SGPP1: variants seen among roughly 807,000 people sequenced by gnomAD.
SGPP1 encodes the protein hSPP1.
In SGPP1, 21 loss-of-function variants were observed where a neutral mutation model predicts 33.0. That is an observed-to-expected ratio of 0.64 (90% CI 0.45 to 0.92). The LOEUF (loss-of-function observed/expected upper bound fraction) is 0.92. Ranked by LOEUF, SGPP1 falls within the 40% of genes least tolerant of loss-of-function variation. The pLI is 0.00. For missense variants in SGPP1, 543 were observed against 589.4 expected (o/e 0.92, Z 0.81); for synonymous variants, 239 against 241.2 (o/e 0.99, Z 0.08).
Position 63,685,974 on chromosome 14 carries a change from T to G in SGPP1, c.*131A>C. Reference sequence around the variant, plus strand: ...CAATGATAAAATGCACTGACTCTTATGAATTTACTTAAATAATTATTTAAG... The same window carrying G: ...CAATGATAAAATGCACTGACTCTTAGGAATTTACTTAAATAATTATTTAAG... On this transcript the variant is annotated 3_prime_UTR_variant, in exon 3 of 3. Transcript: ENST00000247225. The G allele has an allele frequency of 1.7e-6, 1 of 576,882 alleles. No homozygotes were observed. The highest frequency in any genetic ancestry group is 3.0e-6 in the Non-Finnish European group (1 of 335,298). The allele number at this position is 576,882 out of a possible 1,614,324, so 35.7% of individuals were successfully genotyped here.
intron 2 of SGPP1, among the ~76,000 whole-genome samples, chr14:63,691,340 C>G (rs1244314128): frequency 6.6e-6 from 1 of 152,172 alleles, no homozygotes; most frequent in Non-Finnish European, 1.5e-5. Flanking sequence ...TTTTGTCTAT[C>G]ATTAAGTTTC....
chr14:63,719,818 T>TA lies in SGPP1; in HGVS notation c.684+7442dup, dbSNP rs112680873. Among the ~76,000 whole-genome samples the TA allele has an allele frequency of 9.3e-4, 134 of 143,628 alleles. 3 individuals carry two copies. Among genetic ancestry groups the TA allele is most frequent in the African/African-American group, 2.6e-3 (102 of 39,434 alleles). The allele number at this position is 143,628 out of a possible 152,430, so 94.2% of individuals were successfully genotyped here. On this transcript the variant is annotated intron_variant, in intron 1 of 2. Transcript: ENST00000247225. ...ATTAGTATTCATTAATTGTTGGACT[T>TA]AAAAAAAAAAAGAAGGCCAGGCACG...
chr14:63,722,175 G>C (rs1885784706), intron 1 of SGPP1, among the ~76,000 whole-genome samples: 1 of 152,046 alleles, frequency 6.6e-6, no homozygotes, highest in South Asian at 2.1e-4. Flanking sequence ...TTATAGAAGA[G>C]TAAATGAGAT....
At chr14:63,703,221 C>A (rs932266887) in intron 1 of SGPP1, among the ~76,000 whole-genome samples, 1 of 151,596 alleles carries the variant, frequency 6.6e-6, no homozygotes, top group African/African-American at 2.4e-5. Flanking sequence ...AAAAAAAAAC[C>A]CTAAAATGAA....
intron 1 of SGPP1, among the ~76,000 whole-genome samples, chr14:63,716,444 A>G (rs142745149): frequency 1.0e-3 from 157 of 152,192 alleles, no homozygotes; most frequent in Middle Eastern, 6.8e-3. Context: ...CAGTGAGCCA[A>G]TATCACACCT....
chr14:63,690,254 G>T (rs1386674910), intron 2 of SGPP1, among the ~76,000 whole-genome samples: 2 of 152,174 alleles, frequency 1.3e-5, no homozygotes, highest in Non-Finnish European at 2.9e-5. Context: ...TGTTGCCAAG[G>T]CTGGTTTCCA....
intron 1 of SGPP1, among the ~76,000 whole-genome samples, chr14:63,725,099 G>A (rs1046118344): frequency 3.3e-5 from 5 of 152,150 alleles, no homozygotes; most frequent in South Asian, 4.1e-4. Context: ...TAGGCCAGGC[G>A]CAGTGGCTCA....
chr14:63,723,361 A>G (rs1885815179), intron 1 of SGPP1, among the ~76,000 whole-genome samples: 4 of 152,200 alleles, frequency 2.6e-5, no homozygotes, highest in African/African-American at 9.6e-5. Flanking sequence ...ATTTATATAC[A>G]AAACTCTTTA....
intron 1 of SGPP1, among the ~76,000 whole-genome samples, chr14:63,700,604 A>T (rs1311668027): frequency 6.6e-6 from 1 of 152,204 alleles, no homozygotes; most frequent in African/African-American, 2.4e-5. Flanking sequence ...AAAGCATGCA[A>T]ATGATATGAT....
chr14:63,697,869 A>C (rs1379408814), intron 2 of SGPP1, among the ~76,000 whole-genome samples: 2 of 152,228 alleles, frequency 1.3e-5, no homozygotes, highest in African/African-American at 4.8e-5. Flanking sequence ...TGTGTTTTGG[A>C]AAGTCTACGA....
At chr14:63,692,980 G>A (rs934184740) in intron 2 of SGPP1, among the ~76,000 whole-genome samples, 1 of 152,102 alleles carries the variant, frequency 6.6e-6, no homozygotes, top group Admixed American at 6.5e-5. Flanking sequence ...GTATGGCCAT[G>A]GCCTAGGCTG....
intron 1 of SGPP1, 39 bp from the exon 2 acceptor site, chr14:63,698,697 A>C (rs1193197333): frequency 3.6e-6 from 4 of 1,126,372 alleles, no homozygotes; most frequent in Non-Finnish European, 5.2e-6. Flanking sequence ...AAACAAATTT[A>C]AGTTAGATAT....
chr14:63,715,700 C>G (rs1885609968), intron 1 of SGPP1, among the ~76,000 whole-genome samples: 1 of 152,104 alleles, frequency 6.6e-6, no homozygotes, highest in South Asian at 2.1e-4. Flanking sequence ...ATTTGCAGGA[C>G]AGAGTATTGG....
At chr14:63,703,463 G>T (rs1885342724) in intron 1 of SGPP1, among the ~76,000 whole-genome samples, 1 of 151,880 alleles carries the variant, frequency 6.6e-6, no homozygotes, top group Non-Finnish European at 1.5e-5. Context: ...AACCATCCTG[G>T]CCAACATGGT....
At chr14:63,724,732 G>A (rs1292315378) in intron 1 of SGPP1, among the ~76,000 whole-genome samples, 4 of 150,896 alleles carry the variant, frequency 2.7e-5, no homozygotes, top group Middle Eastern at 3.5e-3. Context: ...TGAGCGGGGG[G>A]CGGCTAATTT....
At chr14:63,704,925 A>G (rs1291713415) in intron 1 of SGPP1, among the ~76,000 whole-genome samples, 2 of 152,138 alleles carry the variant, frequency 1.3e-5, no homozygotes, top group African/African-American at 4.8e-5. Context: ...CAGGAATTTG[A>G]GACCAGCCTG....
intron 1 of SGPP1, among the ~76,000 whole-genome samples, chr14:63,708,484 G>A (rs1259730419): frequency 1.3e-5 from 2 of 149,730 alleles, no homozygotes; most frequent in African/African-American, 4.9e-5. Context: ...GGCTTGTCTC[G>A]AACTCCTAAC....
chr14:63,697,654 G>A (rs1048595128), intron 2 of SGPP1, among the ~76,000 whole-genome samples: 1 of 152,174 alleles, frequency 6.6e-6, no homozygotes, highest in Non-Finnish European at 1.5e-5. Flanking sequence ...CACCTCACAA[G>A]TCTTGAGAAA....
chr14:63,686,765 A>C, intron 2 of SGPP1, 109 bp from the exon 3 acceptor site: 1 of 777,488 alleles, frequency 1.3e-6, no homozygotes. Flanking sequence ...TAAATTTTTT[A>C]AAGTTGTCAA....
Sources: allele counts gnomAD v4.1 joint callset (sites outside exome capture counted in the v4.1 genomes callset), GRCh38; gene constraint gnomAD v4.1.1; transcripts MANE v1.5; gene names NCBI Gene and HGNC (gene_info 2026-07-23, HGNC 2026-07-21).